The following LHX8 variants were observed in gnomAD, a reference collection of about 807,000 sequenced individuals.
LHX8 encodes LIM homeobox 8.
LHX8 carries 12 observed loss-of-function variants against 40.3 expected under a neutral mutation model. The observed-to-expected ratio is 0.30, with a 90% CI of 0.19 to 0.48. The LOEUF (loss-of-function observed/expected upper bound fraction) is 0.48. LHX8 is among the 20% of genes least tolerant of loss of function. The pLI, the probability that LHX8 is intolerant of heterozygous loss-of-function variation, is 0.99. For synonymous variants in LHX8, 179 were observed against 162.0 expected, an observed-to-expected ratio of 1.10 and a Z score of -0.80; for missense variants, 344 against 433.7, an observed-to-expected ratio of 0.79 and a Z score of 1.84.
chr1:75,172,527 C>T, the LHX8 span, among the ~76,000 whole-genome samples: 1 of 152,190 alleles, frequency 6.6e-6, no homozygotes, highest in Non-Finnish European at 1.5e-5. Context: ...TTATGTGTTT[C>T]ATTTTATTTT....
intron 7 of LHX8, among the ~76,000 whole-genome samples, chr1:75,150,154 C>T (rs1209310429): frequency 1.3e-5 from 2 of 152,244 alleles, no homozygotes. Flanking sequence ...GGGAGGGTCA[C>T]CTAAGTCCAG....
intron 7 of LHX8, among the ~76,000 whole-genome samples, chr1:75,156,580 C>A (rs1648774896): frequency 6.6e-6 from 1 of 152,106 alleles, no homozygotes; most frequent in South Asian, 2.1e-4. Flanking sequence ...CAAGGGGTAA[C>A]CTTAACGTTT....
In LHX8 at chr1:75,137,172, C is replaced by G. The variant is rs376300206; in HGVS notation, c.148C>G (p.Arg50Gly). ...CCCGCTGTCCCCGTCGTCCTCGCCC[C>G]GGTCCATGGCCTCGGGCTCCGGCTG... ...SAPLSPSSSP[R>G]SMASGSGCPP... The change falls in exon 3 of 9, where the codon CGG becomes GGG. Residue 50 changes from arginine to glycine, a missense_variant. Around this residue, in one of 3 missense-constraint regions of LHX8, gnomAD observed 108 missense variants for 90.1 expected, o/e 1.20. Coordinates refer to ENST00000356261, the MANE Select transcript of LHX8 (RefSeq NM_001256114.2). 7.9e-5 allele frequency: 128 copies of G among 1,613,250 alleles called. No homozygotes were observed. The highest frequency in any genetic ancestry group is 1.6e-4 in the Middle Eastern group (1 of 6,064).
At chr1:75,181,334 A>T in the LHX8 span, among the ~76,000 whole-genome samples, 2 of 152,320 alleles carry the variant, frequency 1.3e-5, no homozygotes, top group Non-Finnish European at 2.9e-5. Flanking sequence ...TCTACAGAGA[A>T]AGACAGGCTT....
At chr1:75,193,954 CT>C in the LHX8 span, among the ~76,000 whole-genome samples, 2 of 152,130 alleles carry the variant, frequency 1.3e-5, no homozygotes, top group African/African-American at 4.8e-5. Flanking sequence ...TCACATTCTG[CT>C]TTAAATTTTA....
chr1:75,180,694 A>G, the LHX8 span, among the ~76,000 whole-genome samples: 3 of 152,258 alleles, frequency 2.0e-5, no homozygotes, highest in East Asian at 1.9e-4. Flanking sequence ...ACTTCTGTCA[A>G]CTCATCAAAT....
chr1:75,137,822 TATGTTTTTTTACAG>T (rs1355682049), intron 3 of LHX8, among the ~76,000 whole-genome samples: 1 of 152,220 alleles, frequency 6.6e-6, no homozygotes, highest in Non-Finnish European at 1.5e-5. Flanking sequence ...AATACAGTCC[TATGTTTTTTTACAG>T]TTACCTGAGG....
At chr1:75,164,350 C>T (rs545984234), downstream of LHX8, among the ~76,000 whole-genome samples, 6 of 152,248 alleles carry the variant, frequency 3.9e-5, no homozygotes, top group East Asian at 1.2e-3. Context: ...TTTAGCAGCT[C>T]AGTGATTCCA....
chr1:75,137,047 A>T (rs1393596077), intron 2 of LHX8, 53 bp from the exon 3 acceptor site: 2 of 1,540,968 alleles, frequency 1.3e-6, no homozygotes, highest in African/African-American at 1.4e-5. Context: ...GGTAGGTGGG[A>T]TGCGAAGGGG....
At chr1:75,197,280 A>C in the LHX8 span, among the ~76,000 whole-genome samples, 35,659 of 151,996 alleles carry the variant, frequency 0.23, 4,546 homozygotes, top group Middle Eastern at 0.35. Flanking sequence ...TTCAGATATT[A>C]TCTACTTCTC....
the LHX8 span, among the ~76,000 whole-genome samples, chr1:75,191,945 A>T: frequency 1.1e-3 from 171 of 152,288 alleles, no homozygotes; most frequent in African/African-American, 4.0e-3. Flanking sequence ...TTATAGTTTT[A>T]CATGAAAAGG....
chr1:75,193,112 C>T, the LHX8 span, among the ~76,000 whole-genome samples: 3 of 152,318 alleles, frequency 2.0e-5, no homozygotes, highest in South Asian at 6.2e-4. Context: ...TCTGGATACT[C>T]CCTGCAGGCT....
the LHX8 span, among the ~76,000 whole-genome samples, chr1:75,177,976 T>A: frequency 6.6e-6 from 1 of 152,178 alleles, no homozygotes; most frequent in African/African-American, 2.4e-5. Context: ...ATGGATTACA[T>A]TTGTTGATTT....
the LHX8 span, among the ~76,000 whole-genome samples, chr1:75,192,824 C>G: frequency 3.3e-5 from 5 of 151,976 alleles, no homozygotes; most frequent in African/African-American, 1.2e-4. Flanking sequence ...TCCTGAGTAG[C>G]TGGGATTACA....
At chr1:75,171,633 T>C in the LHX8 span, among the ~76,000 whole-genome samples, 330 of 149,986 alleles carry the variant, frequency 2.2e-3, no homozygotes, top group African/African-American at 7.3e-3. Context: ...CGAGAGAAGA[T>C]TGACCAAGCT....
chr1:75,136,796 T>C, intron 2 of LHX8, 107 bp downstream of exon 2: 4 of 575,420 alleles, frequency 7.0e-6, no homozygotes, highest in Admixed American at 2.5e-5. Context: ...TGGCCCCTCC[T>C]GCAGCAGACA....
chr1:75,148,438 T>C, intron 6 of LHX8, 149 bp from the exon 7 acceptor site: 1 of 674,742 alleles, frequency 1.5e-6, no homozygotes, highest in Non-Finnish European at 2.7e-6. Context: ...GCATTCGTTT[T>C]CACTTACCCA....
At chr1:75,128,753 G>C (rs539605038) in intron 1 of LHX8, 1 of 152,200 alleles carries the variant, frequency 6.6e-6, no homozygotes. Context: ...AGGGTGCCAA[G>C]CATTTTTAAA....
At chr1:75,130,623 C>A, upstream of LHX8, 1 of 1,199,248 alleles carries the variant, frequency 8.3e-7, no homozygotes, top group Non-Finnish European at 1.2e-6. Context: ...CTCTTACCCT[C>A]AGAAACTGTG....
Sources: gnomAD v4.1 joint callset for allele counts (sites outside exome capture counted in the v4.1 genomes callset) on GRCh38, gnomAD v4.1.1 for gene constraint, gnomAD v4.1.1 regional missense constraint, MANE v1.5 for transcripts, NCBI Gene and HGNC (gene_info 2026-07-23, HGNC 2026-07-21) for gene names.